FRMPD4: variants seen among roughly 807,000 people sequenced by gnomAD.
FRMPD4 encodes FERM and PDZ domain containing 4, also known as FERM and PDZ domain-containing protein 4.
Under a neutral mutation model 94.1 loss-of-function variants are expected in FRMPD4, and 22 were observed. The ratio of observed to expected loss-of-function variants is 0.23; its 90% CI spans 0.17 to 0.33. FRMPD4 has a LOEUF of 0.33. FRMPD4 is among the 10% of genes least tolerant of loss of function. FRMPD4 has a pLI of 1.00. For synonymous variants in FRMPD4, 631 were observed against 548.6 expected (o/e 1.15, Z -2.10); for missense variants, 1,111 against 1,339.9 (o/e 0.83, Z 2.67).
At chrX:11,859,043 A>C (rs961864892) in intron 1 of FRMPD4, among the ~76,000 whole-genome samples, 1 of 112,411 alleles carries the variant, frequency 8.9e-6, no homozygotes, top group Non-Finnish European at 1.9e-5. Flanking sequence ...CCTTGGTTCT[A>C]ATAAACAGCT....
intron 8 of FRMPD4, among the ~76,000 whole-genome samples, chrX:12,693,197 C>T (rs191794073): frequency 7.9e-4 from 88 of 111,985 alleles, no homozygotes; most frequent in African/African-American, 2.8e-3. Context: ...TTTTGTATTG[C>T]CAGATCTGTC....
At chrX:12,353,678 AACCTGGATAAGC>A (rs1421148302) in intron 1 of FRMPD4, among the ~76,000 whole-genome samples, 2 of 112,539 alleles carry the variant, frequency 1.8e-5, no homozygotes, top group Non-Finnish European at 3.7e-5. Flanking sequence ...GGTCCCAGCA[AACCTGGATAAGC>A]ACCTGGCTTC....
At chrX:12,189,533 A>T in intron 1 of FRMPD4, among the ~76,000 whole-genome samples, 1 of 112,128 alleles carries the variant, frequency 8.9e-6, no homozygotes, top group Non-Finnish European at 1.9e-5. Flanking sequence ...AGCAAATTGA[A>T]TCAAAAAATG....
intron 1 of FRMPD4, among the ~76,000 whole-genome samples, chrX:12,174,032 A>G: frequency 9.0e-6 from 1 of 110,876 alleles, no homozygotes; most frequent in Non-Finnish European, 1.9e-5. Context: ...ACCTTTAGAG[A>G]CTTCTCCAGC....
chrX:12,139,540 C>CTTTT (rs34758220), intron 1 of FRMPD4, among the ~76,000 whole-genome samples: 1 of 83,255 alleles, frequency 1.2e-5, no homozygotes, highest in African/African-American at 4.5e-5. Flanking sequence ...GACTTTCAGC[C>CTTTT]TTTTTTTTTT....
chrX:12,710,854 C>T (rs1223960546), intron 14 of FRMPD4, among the ~76,000 whole-genome samples: 1 of 110,369 alleles, frequency 9.1e-6, no homozygotes, highest in Non-Finnish European at 1.9e-5. Context: ...TGCAGTGAGC[C>T]GAGATCGCAC....
At chrX:11,911,220 G>T (rs1173234029) in intron 3 of FRMPD4, among the ~76,000 whole-genome samples, 1 of 112,423 alleles carries the variant, frequency 8.9e-6, no homozygotes, top group Non-Finnish European at 1.9e-5. Flanking sequence ...ATTTGGCCTT[G>T]AGCTGTCGTT....
intron 14 of FRMPD4, among the ~76,000 whole-genome samples, chrX:12,715,417 A>G (rs753663437): frequency 9.8e-5 from 11 of 112,053 alleles, no homozygotes; most frequent in Non-Finnish European, 1.7e-4. Flanking sequence ...TTTTATACAC[A>G]CACACACACA....
At chrX:12,061,017 T>C (rs1238436875) in intron 3 of FRMPD4, among the ~76,000 whole-genome samples, 3 of 112,336 alleles carry the variant, frequency 2.7e-5, no homozygotes, top group African/African-American at 6.5e-5. Flanking sequence ...AAGTTCTTGG[T>C]TGGGGCCTCT....
At chrX:11,879,100 A>G (rs1441366292) in intron 3 of FRMPD4, among the ~76,000 whole-genome samples, 2 of 112,272 alleles carry the variant, frequency 1.8e-5, no homozygotes, top group African/African-American at 3.2e-5. Flanking sequence ...TATGCAGTTC[A>G]CTGTAAGGTA....
intron 1 of FRMPD4, among the ~76,000 whole-genome samples, chrX:12,448,426 G>A (rs1276688633): frequency 2.7e-5 from 3 of 112,204 alleles, no homozygotes; most frequent in African/African-American, 9.7e-5. Flanking sequence ...AATAAAATGA[G>A]CTCCTTTCCT....
At chrX:12,145,889 C>T (rs988012605) in intron 1 of FRMPD4, among the ~76,000 whole-genome samples, 9 of 112,007 alleles carry the variant, frequency 8.0e-5, no homozygotes, top group Admixed American at 3.8e-4. Flanking sequence ...TTGCCAGCCC[C>T]GCTCTGGGGG....
At chrX:12,462,030 A>C (rs1195901776) in intron 1 of FRMPD4, among the ~76,000 whole-genome samples, 4 of 111,924 alleles carry the variant, frequency 3.6e-5, no homozygotes, top group African/African-American at 1.3e-4. Context: ...CCTTCACTTT[A>C]GGTATCACCT....
chrX:12,555,033 C>T (rs900136354), intron 2 of FRMPD4, among the ~76,000 whole-genome samples: 1 of 112,236 alleles, frequency 8.9e-6, no homozygotes, highest in Non-Finnish European at 1.9e-5. Context: ...TCCCTGTGGG[C>T]TCCTTTCATT....
intron 1 of FRMPD4, among the ~76,000 whole-genome samples, chrX:12,245,033 G>A (rs982623854): frequency 1.8e-5 from 2 of 112,761 alleles, no homozygotes; most frequent in Non-Finnish European, 3.7e-5. Context: ...GTCAGATTAC[G>A]AGGGTAGAAC....
At chrX:12,528,303 GTTTTTT>G (rs1239485687) in intron 2 of FRMPD4, among the ~76,000 whole-genome samples, 3 of 91,945 alleles carry the variant, frequency 3.3e-5, no homozygotes, top group African/African-American at 1.3e-4. Flanking sequence ...CTGTTAGTCT[GTTTTTT>G]TTTGTTTTTG....
intron 1 of FRMPD4, among the ~76,000 whole-genome samples, chrX:12,167,949 C>T (rs529583508): frequency 9.1e-6 from 1 of 110,477 alleles, no homozygotes; most frequent in Non-Finnish European, 1.9e-5. Context: ...GGGGTAAGGA[C>T]AATTGTGCCC....
intron 7 of FRMPD4, among the ~76,000 whole-genome samples, chrX:12,688,652 G>C (rs1192023378): frequency 9.0e-6 from 1 of 111,577 alleles, no homozygotes; most frequent in African/African-American, 3.3e-5. Flanking sequence ...TGGTGGTTCA[G>C]GAAAATGCTT....
intron 4 of FRMPD4, among the ~76,000 whole-genome samples, chrX:12,635,578 C>A (rs1161302797): frequency 9.0e-6 from 1 of 111,282 alleles, no homozygotes; most frequent in Non-Finnish European, 1.9e-5. Flanking sequence ...ATCACTGCTA[C>A]CCCGGGGGGT....
Sources: allele counts gnomAD v4.1 joint callset (sites outside exome capture counted in the v4.1 genomes callset), GRCh38; gene constraint gnomAD v4.1.1; transcripts MANE v1.5; gene names NCBI Gene and HGNC (gene_info 2026-07-23, HGNC 2026-07-21).